VRK2: variants seen among roughly 807,000 people sequenced by gnomAD.
VRK2 encodes the protein serine/threonine-protein kinase VRK2.
Under a neutral mutation model 57.6 loss-of-function variants are expected in VRK2, and 60 were observed. That is an observed-to-expected ratio of 1.04 (90% CI 0.85 to 1.29). VRK2 has a LOEUF of 1.29. Among genes scored for constraint, VRK2 ranks in the 50% most tolerant of loss-of-function variants. The pLI is 0.00. For missense variants in VRK2, 705 were observed against 588.1 expected, an observed-to-expected ratio of 1.20 and a Z score of -2.06; for synonymous variants, 231 against 199.2, an observed-to-expected ratio of 1.16 and a Z score of -1.35.
intron 1 of VRK2, among the ~76,000 whole-genome samples, chr2:57,980,176 T>C (rs1025487410): frequency 1.3e-5 from 2 of 152,180 alleles, no homozygotes; most frequent in Non-Finnish European, 2.9e-5. Context: ...CTTTTAGCAC[T>C]ATAAACTTTT....
chr2:57,954,212 T>C (rs1260294849), intron 1 of VRK2, among the ~76,000 whole-genome samples: 1 of 152,184 alleles, frequency 6.6e-6, no homozygotes, highest in African/African-American at 2.4e-5. Flanking sequence ...AGAAATATTA[T>C]GCAATACTTA....
chr2:58,026,218 T>G (rs1057390600), intron 2 of VRK2, among the ~76,000 whole-genome samples: 6 of 152,090 alleles, frequency 3.9e-5, no homozygotes, highest in African/African-American at 1.4e-4. Flanking sequence ...ATCTTTGAAT[T>G]GCTGAGCTTA....
intron 1 of VRK2, among the ~76,000 whole-genome samples, chr2:57,948,642 A>C (rs903173244): frequency 6.6e-6 from 1 of 152,168 alleles, no homozygotes; most frequent in African/African-American, 2.4e-5. Flanking sequence ...GATCAGAATA[A>C]GAAACATTCT....
At chr2:58,005,479 T>C (rs767925453) in intron 1 of VRK2, among the ~76,000 whole-genome samples, 11 of 152,092 alleles carry the variant, frequency 7.2e-5, no homozygotes, top group Non-Finnish European at 1.3e-4. Flanking sequence ...ATTTGGATTA[T>C]ATGTTGCTTT....
intron 2 of VRK2, among the ~76,000 whole-genome samples, chr2:58,074,847 A>G (rs1669864607): frequency 6.6e-6 from 1 of 151,960 alleles, no homozygotes; most frequent in Non-Finnish European, 1.5e-5. Context: ...AGAATATGAG[A>G]CCTTTTATAA....
intron 7 of VRK2, among the ~76,000 whole-genome samples, chr2:58,119,920 T>G (rs566278323): frequency 6.6e-6 from 1 of 152,002 alleles, no homozygotes; most frequent in African/African-American, 2.4e-5. Flanking sequence ...TCAACTCTGC[T>G]GTTTTCTTCA....
intron 2 of VRK2, among the ~76,000 whole-genome samples, chr2:58,075,033 C>T (rs1669892670): frequency 6.6e-6 from 1 of 152,024 alleles, no homozygotes; most frequent in Non-Finnish European, 1.5e-5. Flanking sequence ...TTTCAGTGCT[C>T]ACCCTTCTCC....
intron 1 of VRK2, among the ~76,000 whole-genome samples, chr2:57,959,935 G>A (rs543132300): frequency 4.6e-5 from 7 of 152,150 alleles, no homozygotes; most frequent in Non-Finnish European, 7.4e-5. Flanking sequence ...TGTGACTTCA[G>A]CAGGAGCAAG....
At chr2:58,039,013 C>T (rs538081738) in intron 3 of VRK2, among the ~76,000 whole-genome samples, 1 of 152,152 alleles carries the variant, frequency 6.6e-6, no homozygotes, top group East Asian at 1.9e-4. Context: ...ACATGTACAA[C>T]TGGAATATGA....
At chr2:58,049,172 G>A (rs1675334413) in intron 2 of VRK2, among the ~76,000 whole-genome samples, 1 of 152,130 alleles carries the variant, frequency 6.6e-6, no homozygotes, top group African/African-American at 2.4e-5. Context: ...GTTTTTCTGA[G>A]TAAATCTTAG....
chr2:57,944,152 A>G (rs1518394), intron 1 of VRK2, among the ~76,000 whole-genome samples: 103,277 of 152,114 alleles, frequency 0.68, 35,979 homozygotes, highest in African/African-American at 0.86. Context: ...TGCCATTGTT[A>G]ATGCTCACAT....
At position 57,927,308 on chromosome 2, in the gene VRK2, G is replaced by A. The variant is rs1305408139; in HGVS notation, c.-439+19469G>A. 9.1e-5 allele frequency among the ~76,000 whole-genome samples: 13 copies of A among 142,608 alleles called. No individual in the cohort carries two copies. In the East Asian group the frequency reaches 1.0e-3, roughly 11 times the overall value. The allele number at this position is 142,608 out of a possible 152,430, so 93.6% of individuals were successfully genotyped here. On this transcript the variant is annotated intron_variant, in intron 1 of 15. Coordinates refer to the VRK2 transcript ENST00000417641. ...TTTTTTTTTTTTGAGATGAAGTCTC[G>A]CTCTATCGCCCAGGCTGGAGTCCAG...
intron 1 of VRK2, among the ~76,000 whole-genome samples, chr2:57,946,433 C>A (rs1671264349): frequency 6.6e-6 from 1 of 151,782 alleles, no homozygotes; most frequent in Admixed American, 6.6e-5. Flanking sequence ...TGATTCAAAC[C>A]CTTAATAAGT....
intron 2 of VRK2, among the ~76,000 whole-genome samples, chr2:58,027,542 G>A (rs1048865891): frequency 1.3e-5 from 2 of 152,146 alleles, no homozygotes; most frequent in African/African-American, 4.8e-5. Flanking sequence ...GAGGGCAGTG[G>A]TGAAAAGGGT....
upstream of VRK2, among the ~76,000 whole-genome samples, chr2:58,043,591 G>A (rs1371054564): frequency 6.6e-6 from 1 of 152,058 alleles, no homozygotes; most frequent in Non-Finnish European, 1.5e-5. Flanking sequence ...TTATTGCTGA[G>A]TGATAGTTCA....
chr2:58,091,423 T>A (rs935084247), intron 7 of VRK2, among the ~76,000 whole-genome samples: 4 of 152,076 alleles, frequency 2.6e-5, no homozygotes, highest in African/African-American at 9.7e-5. Flanking sequence ...AAAATGTAGA[T>A]TATATTTTTA....
intron 1 of VRK2, among the ~76,000 whole-genome samples, chr2:57,949,927 A>G (rs1339374170): frequency 1.3e-5 from 2 of 152,220 alleles, no homozygotes; most frequent in East Asian, 1.9e-4. Context: ...GTCTGGATAG[A>G]AAATCAAACC....
chr2:57,933,735 T>C (rs962544071), intron 1 of VRK2, among the ~76,000 whole-genome samples: 7 of 152,068 alleles, frequency 4.6e-5, no homozygotes, highest in African/African-American at 7.2e-5. Flanking sequence ...ATCAAAGGTA[T>C]TGATAGATCG....
At chr2:57,974,019 A>G (rs2104028016) in intron 1 of VRK2, among the ~76,000 whole-genome samples, 1 of 152,004 alleles carries the variant, frequency 6.6e-6, no homozygotes, top group East Asian at 1.9e-4. Flanking sequence ...GTGAGGAGGT[A>G]GACATGTTCC....
Sources: allele counts gnomAD v4.1 joint callset (sites outside exome capture counted in the v4.1 genomes callset), GRCh38; gene constraint gnomAD v4.1.1; transcripts MANE v1.5; gene names NCBI Gene and HGNC (gene_info 2026-07-23, HGNC 2026-07-21).